The following DNAAF4 variants were observed in gnomAD, a reference collection of about 807,000 sequenced individuals.
DNAAF4 encodes the protein dynein axonemal assembly factor 4.
A neutral mutation model predicts 51.8 loss-of-function variants in DNAAF4; 43 were observed. The ratio of observed to expected loss-of-function variants is 0.83; its 90% CI spans 0.65 to 1.07. The LOEUF is 1.07. Ranked by LOEUF, DNAAF4 falls within the 50% of genes least tolerant of loss-of-function variation. DNAAF4 has a pLI of 0.00. For synonymous variants in DNAAF4, 194 were observed against 165.6 expected, an observed-to-expected ratio of 1.17 and a Z score of -1.32; for missense variants, 581 against 493.0, an observed-to-expected ratio of 1.18 and a Z score of -1.69.
intron 7 of DNAAF4, among the ~76,000 whole-genome samples, chr15:55,420,151 A>C (rs1464994075): frequency 6.6e-6 from 1 of 152,240 alleles, no homozygotes; most frequent in Non-Finnish European, 1.5e-5. Context: ...GATCAGGAGA[A>C]GTGTCCTGGA....
intron 5 of DNAAF4, among the ~76,000 whole-genome samples, chr15:55,462,893 G>A (rs904766078): frequency 6.6e-6 from 1 of 152,280 alleles, no homozygotes; most frequent in South Asian, 2.1e-4. Context: ...ATTTGAGGCC[G>A]AGTGTGGTGG....
At chr15:55,429,227 TAAA>T (rs1162349473), downstream of DNAAF4, among the ~76,000 whole-genome samples, 1 of 149,872 alleles carries the variant, frequency 6.7e-6, no homozygotes, top group African/African-American at 2.5e-5. Context: ...ATCTCAAAAA[TAAA>T]TAAATAAGGC....
intron 3 of DNAAF4, among the ~76,000 whole-genome samples, 194 bp downstream of exon 3, chr15:55,497,518 T>C (rs1256630732): frequency 6.6e-6 from 1 of 151,994 alleles, no homozygotes; most frequent in Non-Finnish European, 1.5e-5. Context: ...GAGAATCCCT[T>C]GAACCCCGGG....
Position 55,473,789 on chromosome 15 carries a change from G to A in DNAAF4, c.406-6628C>T, listed in dbSNP as rs1050032913. Among the ~76,000 whole-genome samples, 3 of 151,928 alleles carry A rather than the reference G, an allele frequency of 2.0e-5. No individual in the cohort carries two copies. The South Asian group carries it at 6.2e-4, about 32-fold the overall frequency. Reference sequence around the variant, plus strand: ...GTGGATCACCTGAGGTCAGGAGTTCGAGACCAGCCTGGCCAACATGGCAAA... The same window carrying A: ...GTGGATCACCTGAGGTCAGGAGTTCAAGACCAGCCTGGCCAACATGGCAAA... On this transcript the variant is annotated intron_variant, in intron 4 of 9. Coordinates refer to ENST00000321149, the MANE Select transcript of DNAAF4 (RefSeq NM_130810.4).
intron 1 of DNAAF4, among the ~76,000 whole-genome samples, chr15:55,503,594 T>C (rs2058711043): frequency 6.6e-6 from 1 of 152,238 alleles, no homozygotes; most frequent in East Asian, 1.9e-4. Flanking sequence ...GTCGGCTCCA[T>C]CCCTGGGATG....
At chr15:55,484,630 C>G (rs1039809301) in intron 4 of DNAAF4, among the ~76,000 whole-genome samples, 1 of 151,898 alleles carries the variant, frequency 6.6e-6, no homozygotes, top group Non-Finnish European at 1.5e-5. Context: ...TTTAGAGAGA[C>G]ATAACTAATA....
chr15:55,432,746 G>A (rs774835053), intron 8 of DNAAF4, 144 bp from the exon 9 acceptor site: 8 of 590,486 alleles, frequency 1.4e-5, no homozygotes, highest in Non-Finnish European at 2.3e-5. Flanking sequence ...AGGATTTTGA[G>A]ACCAGCCTGG....
At chr15:55,426,283 C>T (rs1273941368), downstream of DNAAF4, among the ~76,000 whole-genome samples, 1 of 152,124 alleles carries the variant, frequency 6.6e-6, no homozygotes, top group Admixed American at 6.6e-5. Context: ...TAACTTCCAA[C>T]GGCATGACTC....
At position 55,441,430 on chromosome 15, in the gene DNAAF4, ATACTT is replaced by A. The variant is rs556299821; in HGVS notation, c.784-1854_784-1850del. Among the ~76,000 whole-genome samples, 27 of 151,828 alleles carry A rather than the reference ATACTT, an allele frequency of 1.8e-4. 1 individual carries two copies. The highest frequency in any genetic ancestry group is 7.2e-4 in the Admixed American group (11 of 15,220). On this transcript the variant is annotated intron_variant, in intron 6 of 9. Coordinates refer to ENST00000321149, the MANE Select transcript of DNAAF4 (RefSeq NM_130810.4). Reference sequence around the variant, plus strand: ...ATTTTCATTTTTCTTTTTTTTTACTATACTTTAAGTTCTAGGGTACATGTGCAAAA... The same window carrying A: ...ATTTTCATTTTTCTTTTTTTTTACTATAAGTTCTAGGGTACATGTGCAAAA...
Position 55,501,020 on chromosome 15 carries a change from C to T in DNAAF4, c.-255-2436G>A, listed in dbSNP as rs868282284. Among the ~76,000 whole-genome samples the T allele has an allele frequency of 1.4e-3, 188 of 135,666 alleles. 2 individuals are homozygous for T. Among genetic ancestry groups the T allele is most frequent in the African/African-American group, 5.8e-3 (180 of 31,130 alleles). 89.0% of individuals were successfully genotyped at this position (135,666 alleles called of 152,430 possible). ...AAAAAAAAAAAAAAAAAAATGGAAA[C>T]TTAAAAAAAAAAATACCTGTATGAT... On this transcript the variant is annotated intron_variant, in intron 1 of 9. Coordinates refer to ENST00000321149, the MANE Select transcript of DNAAF4 (RefSeq NM_130810.4).
chr15:55,429,564 A>T (rs1328941745), downstream of DNAAF4, among the ~76,000 whole-genome samples: 1 of 150,444 alleles, frequency 6.6e-6, no homozygotes, highest in Admixed American at 6.7e-5. Context: ...CACACCTGTA[A>T]TCCAGCACTT....
chr15:55,493,321 A>T (rs942638104), intron 3 of DNAAF4, among the ~76,000 whole-genome samples: 1 of 152,226 alleles, frequency 6.6e-6, no homozygotes, highest in African/African-American at 2.4e-5. Context: ...CTATCTTCAC[A>T]ATTGAAGAGA....
chr15:55,439,704 G>A, intron 6 of DNAAF4, 123 bp from the exon 7 acceptor site: 1 of 789,030 alleles, frequency 1.3e-6, no homozygotes, highest in Middle Eastern at 3.7e-4. Flanking sequence ...GAGTGTTTGT[G>A]TCTTCTCCAC....
chr15:55,442,810 A>T, intron 6 of DNAAF4: 1 of 1,612,304 alleles, frequency 6.2e-7, no homozygotes, highest in Non-Finnish European at 8.5e-7. Context: ...TTTACAACTG[A>T]TGTTGAGATT....
intron 7 of DNAAF4, among the ~76,000 whole-genome samples, chr15:55,436,762 A>G (rs1391851401): frequency 2.0e-5 from 3 of 151,918 alleles, no homozygotes; most frequent in African/African-American, 7.3e-5. Context: ...TCAAGTATCT[A>G]CCCATCTTGG....
At chr15:55,499,669 A>G (rs55812823) in intron 1 of DNAAF4, among the ~76,000 whole-genome samples, 51,546 of 152,146 alleles carry the variant, frequency 0.34, 11,950 homozygotes, top group African/African-American at 0.66. Context: ...TGAAAACTGA[A>G]GAGAAACCAC....
At chr15:55,501,201 C>T (rs2058695997) in intron 1 of DNAAF4, among the ~76,000 whole-genome samples, 1 of 149,346 alleles carries the variant, frequency 6.7e-6, no homozygotes, top group African/African-American at 2.5e-5. Context: ...GTAGCTGGCA[C>T]TATGGGCATG....
Position 55,430,717 on chromosome 15 carries a change from C to A in DNAAF4, c.1216G>T (p.Ala406Ser). Residue 406 changes from alanine (A) to serine (S), a missense_variant, in exon 10 of 10, where the codon GCT becomes TCT. Ala to Ser is a moderately conservative substitution (Grantham distance 99). Transcript: ENST00000321149. ...DPSNKIVQID[A>S]EKIRNVIQGT... ...TGAATTACATTCCGAATCTTCTCAG[C>A]ATCAATTTGTACAATTTTGTTGGAT... is the stretch of plus-strand genomic sequence containing the variant. 1 of 1,613,394 alleles carries A rather than the reference C, an allele frequency of 6.2e-7. No homozygotes were observed. Among genetic ancestry groups the A allele is most frequent in the Non-Finnish European group, 8.5e-7 (1 of 1,179,620 alleles).
chr15:55,439,623 T>C, intron 6 of DNAAF4, 42 bp from the exon 7 acceptor site: 1 of 1,537,142 alleles, frequency 6.5e-7, no homozygotes, highest in Non-Finnish European at 8.9e-7. Context: ...AAAAGGTCTT[T>C]TTTTAATTAA....
Sources: allele counts gnomAD v4.1 joint callset (sites outside exome capture counted in the v4.1 genomes callset), GRCh38; gene constraint gnomAD v4.1.1; transcripts MANE v1.5; gene names NCBI Gene and HGNC (gene_info 2026-07-23, HGNC 2026-07-21).